LRBA: variants seen among roughly 807,000 people sequenced by gnomAD.
The protein encoded by LRBA is LPS responsive beige-like anchor protein, also known as lipopolysaccharide-responsive and beige-like anchor protein.
Under a neutral mutation model 330.0 loss-of-function variants are expected in LRBA, and 176 were observed. That is an observed-to-expected ratio of 0.53 (90% CI 0.47 to 0.60). The LOEUF is 0.60. LRBA is among the 20% of genes least tolerant of loss of function. The pLI is 0.00. For missense variants in LRBA, 3,259 were observed against 3,444.8 expected (o/e 0.95, Z 1.35); for synonymous variants, 1,230 against 1,193.0 (o/e 1.03, Z -0.64).
chr4:150,431,398 C>T (rs1750355948), intron 46 of LRBA, among the ~76,000 whole-genome samples: 1 of 152,140 alleles, frequency 6.6e-6, no homozygotes, highest in South Asian at 2.1e-4. Context: ...CAAACTATCC[C>T]TTGATGTGAT....
chr4:150,517,220 G>A (rs185659853), intron 40 of LRBA, among the ~76,000 whole-genome samples: 1 of 152,232 alleles, frequency 6.6e-6, no homozygotes, highest in Admixed American at 6.5e-5. Context: ...GTACTAGGTT[G>A]CAAATATATG....
intron 47 of LRBA, among the ~76,000 whole-genome samples, chr4:150,404,330 G>A (rs1745892875): frequency 6.6e-6 from 1 of 152,120 alleles, no homozygotes; most frequent in Non-Finnish European, 1.5e-5. Flanking sequence ...GAATATATAG[G>A]GGTGTTTCTG....
chr4:150,932,969 T>G (rs1490139817), intron 2 of LRBA, among the ~76,000 whole-genome samples: 1 of 152,106 alleles, frequency 6.6e-6, no homozygotes, highest in Non-Finnish European at 1.5e-5. Context: ...TCTATCAAAA[T>G]TTTTTATTTT....
intron 47 of LRBA, among the ~76,000 whole-genome samples, chr4:150,372,894 G>C (rs1366689434): frequency 3.3e-5 from 5 of 151,534 alleles, no homozygotes; most frequent in Non-Finnish European, 1.5e-5. Context: ...GGAGTTCGAA[G>C]ACTAGTCATA....
At chr4:150,794,131 A>C (rs1740404526) in intron 34 of LRBA, among the ~76,000 whole-genome samples, 1 of 152,188 alleles carries the variant, frequency 6.6e-6, no homozygotes, top group Non-Finnish European at 1.5e-5. Flanking sequence ...TAGGGAAAGA[A>C]AAAGCATGTA....
At chr4:150,873,958 A>C (rs1259474112) in intron 17 of LRBA, among the ~76,000 whole-genome samples, 1 of 152,248 alleles carries the variant, frequency 6.6e-6, no homozygotes, top group African/African-American at 2.4e-5. Flanking sequence ...TTCAAATCTT[A>C]GTACAAAAAC....
At chr4:150,294,826 C>T (rs1728764875) in intron 53 of LRBA, among the ~76,000 whole-genome samples, 1 of 152,200 alleles carries the variant, frequency 6.6e-6, no homozygotes, top group Non-Finnish European at 1.5e-5. Context: ...CTGGCGCCCA[C>T]ATGTAGTCCC....
chr4:150,294,835 C>T (rs954921321), intron 53 of LRBA, among the ~76,000 whole-genome samples: 2 of 152,130 alleles, frequency 1.3e-5, no homozygotes, highest in Non-Finnish European at 2.9e-5. Flanking sequence ...ACATGTAGTC[C>T]CAGCTACTCG....
At chr4:150,566,634 C>T (rs973365699) in intron 40 of LRBA, among the ~76,000 whole-genome samples, 10 of 152,020 alleles carry the variant, frequency 6.6e-5, no homozygotes, top group African/African-American at 2.2e-4. Context: ...ACTAACTTCA[C>T]ATTAAAATGT....
intron 36 of LRBA, among the ~76,000 whole-genome samples, chr4:150,697,323 C>CAAAAAAA (rs1561527339): frequency 1.4e-3 from 2 of 1,474 alleles, no homozygotes; most frequent in Non-Finnish European, 0.012. Flanking sequence ...GACTTTGTCT[C>CAAAAAAA]AGAAAAAAAA....
intron 47 of LRBA, among the ~76,000 whole-genome samples, chr4:150,351,864 T>C (rs2151821992): frequency 6.6e-6 from 1 of 152,312 alleles, no homozygotes; most frequent in South Asian, 2.1e-4. Context: ...ATTTATAAAT[T>C]AGGCACAGTA....
At chr4:150,394,312 C>T (rs984212459) in intron 47 of LRBA, among the ~76,000 whole-genome samples, 2 of 152,146 alleles carry the variant, frequency 1.3e-5, no homozygotes, top group Non-Finnish European at 2.9e-5. Flanking sequence ...TTCATTCAGA[C>T]ATGACCATGC....
At chr4:150,777,147 G>A (rs891217355) in intron 34 of LRBA, among the ~76,000 whole-genome samples, 1 of 151,870 alleles carries the variant, frequency 6.6e-6, no homozygotes, top group Non-Finnish European at 1.5e-5. Context: ...CAGGCAAAGT[G>A]CAGGGGCATG....
At chr4:150,612,152 G>C (rs1775335008) in intron 37 of LRBA, among the ~76,000 whole-genome samples, 1 of 151,944 alleles carries the variant, frequency 6.6e-6, no homozygotes, top group African/African-American at 2.4e-5. Flanking sequence ...TACCACATTT[G>C]TTGCTGTTCT....
intron 44 of LRBA, among the ~76,000 whole-genome samples, chr4:150,445,344 C>CCTCTCTCTCTCTCT (rs1317931739): frequency 3.4e-4 from 20 of 59,214 alleles, no homozygotes; most frequent in South Asian, 1.1e-3. Flanking sequence ...TTTCGGAAAA[C>CCTCTCTCTCTCTCT]CTCTCTCTCT....
At chr4:150,357,798 CAA>C (rs1348988741) in intron 47 of LRBA, among the ~76,000 whole-genome samples, 4 of 151,664 alleles carry the variant, frequency 2.6e-5, no homozygotes, top group African/African-American at 4.8e-5. Flanking sequence ...CAGCAAGATA[CAA>C]AAGAGAAGTG....
At chr4:150,335,730 T>C (rs1734641313) in intron 48 of LRBA, among the ~76,000 whole-genome samples, 1 of 152,154 alleles carries the variant, frequency 6.6e-6, no homozygotes, top group African/African-American at 2.4e-5. Flanking sequence ...AGGATTTCAC[T>C]TTGTCACCCA....
intron 42 of LRBA, among the ~76,000 whole-genome samples, chr4:150,484,603 A>C (rs992813381): frequency 4.6e-5 from 7 of 151,406 alleles, no homozygotes; most frequent in Middle Eastern, 3.2e-3. Context: ...TTTTCATTAC[A>C]CTGATTTTTT....
intron 2 of LRBA, among the ~76,000 whole-genome samples, chr4:150,973,152 T>C (rs570031020): frequency 0.023 from 3,288 of 144,614 alleles, 108 homozygotes; most frequent in African/African-American, 0.081. Context: ...GTCTGTCTGT[T>C]TGTTTGTTTG....
Sources: allele counts gnomAD v4.1 joint callset (sites outside exome capture counted in the v4.1 genomes callset), GRCh38; gene constraint gnomAD v4.1.1; transcripts MANE v1.5; gene names NCBI Gene and HGNC (gene_info 2026-07-23, HGNC 2026-07-21).